UGGT2: variants seen among roughly 807,000 people sequenced by gnomAD.
UGGT2 encodes the protein UDP-glucose:glycoprotein glucosyltransferase 2.
UGGT2 carries 180 observed loss-of-function variants against 192.1 expected under a neutral mutation model. The ratio of observed to expected loss-of-function variants is 0.94; its 90% CI spans 0.83 to 1.06. The LOEUF (loss-of-function observed/expected upper bound fraction) is 1.06, where lower values mean the gene tolerates loss of function less well. Among genes scored for constraint, UGGT2 ranks in the 50% least tolerant of loss-of-function variants. The probability of loss-of-function intolerance (pLI) is 0.00; values close to 1 mark genes in which losing one functional copy is unlikely to be tolerated. For synonymous variants in UGGT2, 580 were observed against 591.0 expected (o/e 0.98, Z 0.27); for missense variants, 1,849 against 1,795.7 (o/e 1.03, Z -0.54).
chr13:95,896,922 T>C (rs868072525), intron 22 of UGGT2, among the ~76,000 whole-genome samples: 1 of 152,114 alleles, frequency 6.6e-6, no homozygotes, highest in Admixed American at 6.6e-5. Context: ...TGACAGGTCA[T>C]GAAAATTGCA....
chr13:95,887,695 C>T (rs577976655), intron 26 of UGGT2, among the ~76,000 whole-genome samples, 197 bp downstream of exon 26: 2 of 152,222 alleles, frequency 1.3e-5, no homozygotes, highest in East Asian at 1.9e-4. Flanking sequence ...GGTCAGATCA[C>T]TTTGCTGAGT....
At chr13:95,931,478 C>T (rs531618121) in intron 17 of UGGT2, among the ~76,000 whole-genome samples, 5 of 146,780 alleles carry the variant, frequency 3.4e-5, no homozygotes, top group South Asian at 2.3e-4. Flanking sequence ...CTGGGCGCCG[C>T]GGAGCAGGGG....
intron 17 of UGGT2, among the ~76,000 whole-genome samples, chr13:95,931,217 T>A (rs992466737): frequency 1.3e-5 from 2 of 152,114 alleles, no homozygotes; most frequent in Non-Finnish European, 2.9e-5. Flanking sequence ...CAGCACTGAT[T>A]GGTGCATTTA....
Position 95,899,088 on chromosome 13 carries a change from C to A in UGGT2, c.2634+1719G>T, listed in dbSNP as rs539732735. Among the ~76,000 whole-genome samples the A allele has an allele frequency of 4.6e-5, 7 of 152,260 alleles. No homozygotes were observed. In the South Asian group the frequency reaches 1.4e-3, roughly 32 times the overall value. On this transcript the variant is annotated intron_variant, in intron 22 of 38. Coordinates refer to ENST00000376747, the MANE Select transcript of UGGT2 (RefSeq NM_020121.4). ...ATCCTTATAATAAAAGAGTTCAAGA[C>A]TGAAGGGAGCACTCTGTTGCCCTTC... is the stretch of plus-strand genomic sequence containing the variant.
intron 1 of UGGT2, among the ~76,000 whole-genome samples, chr13:96,048,553 G>GT (rs1481914273): frequency 1.3e-5 from 2 of 151,994 alleles, no homozygotes; most frequent in African/African-American, 2.4e-5. Context: ...TCAGGAGCTG[G>GT]TTTTTTGAAA....
chr13:96,036,879 TA>T (rs1475810167), intron 1 of UGGT2, among the ~76,000 whole-genome samples: 4 of 151,906 alleles, frequency 2.6e-5, no homozygotes, highest in African/African-American at 7.3e-5. Context: ...TGCAGCCACT[TA>T]AGTAGTTGGG....
At chr13:96,028,944 G>T (rs540421603) in intron 2 of UGGT2, among the ~76,000 whole-genome samples, 52 of 151,948 alleles carry the variant, frequency 3.4e-4, no homozygotes, top group South Asian at 8.3e-4. Flanking sequence ...ACGAGATCGA[G>T]ACCATCCTGG....
chr13:95,901,170 G>A (rs2048094958), intron 21 of UGGT2, among the ~76,000 whole-genome samples: 1 of 151,966 alleles, frequency 6.6e-6, no homozygotes, highest in Non-Finnish European at 1.5e-5. Flanking sequence ...TTCATTCTTT[G>A]AGAATTTCAG....
chr13:95,998,123 A>C (rs964764391), intron 6 of UGGT2, among the ~76,000 whole-genome samples: 3 of 152,190 alleles, frequency 2.0e-5, no homozygotes, highest in Non-Finnish European at 2.9e-5. Flanking sequence ...ACATGTATAC[A>C]GAGAAAAAAA....
At position 95,849,290 on chromosome 13, in the gene UGGT2, A is replaced by T. The variant is rs148021379; in HGVS notation, c.4284+4253T>A. 5.9e-3 allele frequency among the ~76,000 whole-genome samples: 903 copies of T among 152,282 alleles called. 10 individuals carry two copies. The highest frequency in any genetic ancestry group is 0.02 in the African/African-American group (830 of 41,564). On this transcript the variant is annotated intron_variant, in intron 36 of 38. Coordinates refer to ENST00000376747, the MANE Select transcript of UGGT2 (RefSeq NM_020121.4). ...AGTGGTTCACGCCTGTAATCCCAGCACTTTGGGAGGCCAAGGCAGGCAGAT... is the reference window on the plus strand; with the variant it reads ...AGTGGTTCACGCCTGTAATCCCAGCTCTTTGGGAGGCCAAGGCAGGCAGAT...
chr13:95,909,689 A>G (rs2048414321), intron 20 of UGGT2, among the ~76,000 whole-genome samples: 1 of 148,186 alleles, frequency 6.7e-6, no homozygotes, highest in Non-Finnish European at 1.5e-5. Context: ...CCAGCATGGC[A>G]CATGTATACA....
In UGGT2 at chr13:95,832,908, C is replaced by A; in HGVS notation, c.4528+19G>T. ...AATGCAACGCATGTTTCAGACATCACAACACGTTGATGACTTACTTGTATC... is the reference window on the plus strand; with the variant it reads ...AATGCAACGCATGTTTCAGACATCAAAACACGTTGATGACTTACTTGTATC... On this transcript the variant is annotated intron_variant, in intron 38 of 38. Transcript: ENST00000376747. The A allele has an allele frequency of 6.2e-7, 1 of 1,610,706 alleles. No homozygotes were observed. Among genetic ancestry groups the A allele is most frequent in the Non-Finnish European group, 8.5e-7 (1 of 1,177,944 alleles).
chr13:95,887,266 TAC>T (rs1443353898), intron 26 of UGGT2: 1 of 515,494 alleles, frequency 1.9e-6, no homozygotes, highest in Non-Finnish European at 3.9e-6. Flanking sequence ...AGTGCAATGG[TAC>T]ATACCCTGTT....
intron 2 of UGGT2, among the ~76,000 whole-genome samples, chr13:96,025,989 C>G (rs935361634): frequency 2.0e-5 from 3 of 151,726 alleles, no homozygotes; most frequent in Non-Finnish European, 4.4e-5. Flanking sequence ...AGAGGTCAGG[C>G]AAAGGAGATT....
chr13:96,038,193 T>C (rs537402730), intron 1 of UGGT2, among the ~76,000 whole-genome samples: 1 of 152,192 alleles, frequency 6.6e-6, no homozygotes, highest in African/African-American at 2.4e-5. Flanking sequence ...CTATAAAAAG[T>C]ACCTTTTGTT....
intron 1 of UGGT2, among the ~76,000 whole-genome samples, chr13:96,043,340 C>G (rs2053218729): frequency 1.3e-5 from 2 of 152,126 alleles, no homozygotes; most frequent in African/African-American, 2.4e-5. Context: ...CACTACCAAT[C>G]CAGCACCACA....
Position 95,972,582 on chromosome 13 carries a change from A to G in UGGT2, c.1182T>C (p.Phe394=), listed in dbSNP as rs35923904. 21,876 of 1,609,564 alleles carry G rather than the reference A, an allele frequency of 0.014. 604 individuals are homozygous for G. The highest frequency in any genetic ancestry group is 0.11 in the East Asian group (5,129 of 44,760). ...TACAGCAATAATTTAATACTTACCTAAAAGCGTCATAAACATCCATATCAA... is the reference window on the plus strand; with the variant it reads ...TACAGCAATAATTTAATACTTACCTGAAAGCGTCATAAACATCCATATCAA... The part of the protein sequence containing the change: ...LRVDMDVYDA[F]SILDMLKLEG... The change falls in exon 11 of 39, where the codon TTT becomes TTC. Residue 394 remains phenylalanine, a splice_region_variant and synonymous_variant. Coordinates refer to ENST00000376747, the MANE Select transcript of UGGT2 (RefSeq NM_020121.4).
At chr13:95,842,310 C>T (rs913368342) in intron 36 of UGGT2, among the ~76,000 whole-genome samples, 8 of 151,878 alleles carry the variant, frequency 5.3e-5, no homozygotes, top group African/African-American at 1.9e-4. Flanking sequence ...TACTTTAGGT[C>T]TGACTTTTCA....
chr13:95,972,442 G>C, intron 11 of UGGT2, 138 bp downstream of exon 11: 1 of 785,540 alleles, frequency 1.3e-6, no homozygotes, highest in Non-Finnish European at 2.0e-6. Flanking sequence ...CATTTTGGTA[G>C]AAGAAAGCTG....
Sources: allele counts gnomAD v4.1 joint callset (sites outside exome capture counted in the v4.1 genomes callset), GRCh38; gene constraint gnomAD v4.1.1; transcripts MANE v1.5; gene names NCBI Gene and HGNC (gene_info 2026-07-23, HGNC 2026-07-21).